Variants in LARGE1 observed in about 807,000 individuals in gnomAD.
The protein encoded by LARGE1 is xylosyl- and glucuronyltransferase LARGE1.
LARGE1 carries 43 observed loss-of-function variants against 87.6 expected under a neutral mutation model. That is an observed-to-expected ratio of 0.49 (90% CI 0.38 to 0.63). LARGE1 has a LOEUF of 0.63. Ranked by LOEUF, LARGE1 falls within the 30% of genes least tolerant of loss-of-function variation. The probability of loss-of-function intolerance (pLI) is 0.00; values close to 1 mark genes in which losing one functional copy is unlikely to be tolerated. For synonymous variants in LARGE1, 434 were observed against 394.6 expected (o/e 1.10, Z -1.18); for missense variants, 802 against 1,000.2 (o/e 0.80, Z 2.67).
chr22:33,905,718 G>T (rs967142688), intron 1 of LARGE1, among the ~76,000 whole-genome samples: 6 of 152,114 alleles, frequency 3.9e-5, no homozygotes, highest in Non-Finnish European at 7.4e-5. Flanking sequence ...TGATTAGAAG[G>T]ACCTCAACAT....
At chr22:33,551,039 A>T (rs557293866) in intron 6 of LARGE1, among the ~76,000 whole-genome samples, 1 of 152,286 alleles carries the variant, frequency 6.6e-6, no homozygotes, top group African/African-American at 2.4e-5. Flanking sequence ...GACAATGGAA[A>T]CTCAGAAGGG....
At chr22:33,253,117 C>T (rs1927085704) in intron 11 of LARGE1, among the ~76,000 whole-genome samples, 1 of 152,180 alleles carries the variant, frequency 6.6e-6, no homozygotes, top group South Asian at 2.1e-4. Context: ...GAAGTGGAGA[C>T]AGCGAATCAG....
intron 2 of LARGE1, among the ~76,000 whole-genome samples, chr22:33,676,938 C>T (rs1455369171): frequency 2.0e-5 from 3 of 151,966 alleles, no homozygotes; most frequent in Non-Finnish European, 4.4e-5. Context: ...GATAGAGCTT[C>T]AATATCACAA....
the LARGE1 span, among the ~76,000 whole-genome samples, chr22:33,121,641 C>A: frequency 6.6e-6 from 1 of 152,214 alleles, no homozygotes; most frequent in African/African-American, 2.4e-5. Flanking sequence ...AGATACTTCA[C>A]CCTTTGGGCA....
the LARGE1 span, among the ~76,000 whole-genome samples, chr22:33,156,945 G>A: frequency 6.6e-6 from 1 of 152,102 alleles, no homozygotes; most frequent in Non-Finnish European, 1.5e-5. Context: ...TTTAAAAATG[G>A]GAGTCTCCCT....
At chr22:33,268,290 G>A (rs765155114), downstream of LARGE1, among the ~76,000 whole-genome samples, 1 of 150,866 alleles carries the variant, frequency 6.6e-6, no homozygotes, top group Non-Finnish European at 1.5e-5. Context: ...CCGTTTTGAT[G>A]TATCTTTTCT....
chr22:33,416,216 A>G (rs1284928979), intron 7 of LARGE1, among the ~76,000 whole-genome samples: 1 of 152,158 alleles, frequency 6.6e-6, no homozygotes, highest in Non-Finnish European at 1.5e-5. Context: ...TGCTCCTCCT[A>G]CATTGGGCAC....
chr22:33,177,161 G>C (rs1277241740), intron 11 of LARGE1, among the ~76,000 whole-genome samples: 1 of 152,110 alleles, frequency 6.6e-6, no homozygotes, highest in Non-Finnish European at 1.5e-5. Context: ...TGTCGGGGCT[G>C]GGGGACTAGG....
chr22:33,104,444 G>A, the LARGE1 span, among the ~76,000 whole-genome samples: 1 of 152,212 alleles, frequency 6.6e-6, no homozygotes, highest in African/African-American at 2.4e-5. Flanking sequence ...GCCTATGGAG[G>A]GGACCTTGTG....
At chr22:33,460,336 G>T (rs1569183474) in intron 6 of LARGE1, among the ~76,000 whole-genome samples, 1 of 152,062 alleles carries the variant, frequency 6.6e-6, no homozygotes, top group Non-Finnish European at 1.5e-5. Flanking sequence ...CATCTCAGAA[G>T]ATTCTAATTT....
intron 9 of LARGE1, among the ~76,000 whole-genome samples, chr22:33,378,512 T>G (rs999264241): frequency 6.6e-6 from 1 of 152,210 alleles, no homozygotes; most frequent in African/African-American, 2.4e-5. Context: ...AGAATAATTA[T>G]ATGTTTTGCC....
At chr22:33,527,752 T>C (rs537181082) in intron 6 of LARGE1, among the ~76,000 whole-genome samples, 5 of 151,562 alleles carry the variant, frequency 3.3e-5, no homozygotes, top group African/African-American at 1.2e-4. Context: ...GAACAAACCA[T>C]AATAACAAAA....
chr22:33,710,761 A>G (rs750029672), intron 2 of LARGE1, among the ~76,000 whole-genome samples: 2 of 152,212 alleles, frequency 1.3e-5, no homozygotes, highest in Non-Finnish European at 2.9e-5. Flanking sequence ...ATCCAAGTGT[A>G]ACGGAGTCGT....
At chr22:33,842,597 G>A (rs1004574020) in intron 1 of LARGE1, among the ~76,000 whole-genome samples, 2 of 152,184 alleles carry the variant, frequency 1.3e-5, no homozygotes, top group African/African-American at 2.4e-5. Context: ...AACCTGACGC[G>A]TGCAGGTGTC....
chr22:33,762,599 C>T (rs2084773681), intron 1 of LARGE1, among the ~76,000 whole-genome samples: 1 of 152,162 alleles, frequency 6.6e-6, no homozygotes, highest in African/African-American at 2.4e-5. Context: ...CAGAGAATCA[C>T]AGAAACCATC....
intron 11 of LARGE1, among the ~76,000 whole-genome samples, chr22:33,167,740 T>C (rs1379003802): frequency 6.6e-6 from 1 of 152,168 alleles, no homozygotes; most frequent in Non-Finnish European, 1.5e-5. Context: ...ATCTACTCAT[T>C]TCTCCAAGCT....
chr22:33,615,292 C>A (rs1372181283), intron 4 of LARGE1, among the ~76,000 whole-genome samples: 1 of 151,848 alleles, frequency 6.6e-6, no homozygotes, highest in Non-Finnish European at 1.5e-5. Context: ...CCAAAAAGAT[C>A]CAAATGCCCT....
intron 6 of LARGE1, among the ~76,000 whole-genome samples, chr22:33,512,586 T>C (rs1230048395): frequency 6.6e-6 from 1 of 152,178 alleles, no homozygotes; most frequent in Non-Finnish European, 1.5e-5. Context: ...GAAGATCACC[T>C]GAGGTCAGGA....
Position 33,767,037 on chromosome 22 carries a change from G to A in LARGE1, c.-82-5479C>T, listed in dbSNP as rs544245866. Among the ~76,000 whole-genome samples, 4 of 149,808 alleles carry A rather than the reference G, an allele frequency of 2.7e-5. No individual in the cohort carries two copies. In the South Asian group the frequency reaches 8.5e-4, roughly 32 times the overall value. ...TTAAAAGTTATTTAAAAATTGGCCA[G>A]GCACAGTGGCTCACACCTGTAATCT... On this transcript the variant is annotated intron_variant, in intron 1 of 14. Transcript: ENST00000397394.
Sources: allele counts gnomAD v4.1 joint callset (sites outside exome capture counted in the v4.1 genomes callset), GRCh38; gene constraint gnomAD v4.1.1; transcripts MANE v1.5; gene names NCBI Gene and HGNC (gene_info 2026-07-23, HGNC 2026-07-21).